ZBTB45: variants seen among roughly 807,000 people sequenced by gnomAD.
The protein encoded by ZBTB45 is zinc finger and BTB domain containing 45.
A neutral mutation model predicts 28.4 loss-of-function variants in ZBTB45; 22 were observed. The ratio of observed to expected loss-of-function variants is 0.77; its 90% CI spans 0.55 to 1.10. ZBTB45 has a LOEUF of 1.10. ZBTB45 is among the 50% of genes least tolerant of loss of function. The pLI, the probability that ZBTB45 is intolerant of heterozygous loss-of-function variation, is 0.00. For missense variants in ZBTB45, 656 were observed against 750.2 expected (o/e 0.87, Z 1.47); for synonymous variants, 361 against 332.3 (o/e 1.09, Z -0.94).
chr19:58,514,454 C>G, intron 2 of ZBTB45, 144 bp from the exon 3 acceptor site: 4 of 1,067,764 alleles, frequency 3.7e-6, no homozygotes, highest in Non-Finnish European at 5.3e-6. Flanking sequence ...CCTTGCCTAT[C>G]AGAGAACCCT....
rs986412190 is a variant in ZBTB45 at position 58,516,899 on chromosome 19, G to GT, written c.774dup (p.Pro259ThrfsTer6). On this transcript the variant is annotated frameshift_variant, in exon 2 of 3. Coordinates refer to ENST00000594051, the MANE Select transcript of ZBTB45 (RefSeq NM_001316979.2). LOFTEE classifies it high-confidence loss of function. The surrounding 1 kb of genome is among the most constrained non-coding windows in gnomAD (Gnocchi z 6.2). Reference sequence around the variant, plus strand: ...CCACTGTAGTCAGCGAGGCCAGTGGGTGCAGGGGGCTCCTCGCACGCGCTG... The same window carrying GT: ...CCACTGTAGTCAGCGAGGCCAGTGGGTTGCAGGGGGCTCCTCGCACGCGCTG... The GT allele has an allele frequency of 6.2e-7, 1 of 1,613,254 alleles. No individual in the cohort carries two copies. Among genetic ancestry groups the GT allele is most frequent in the Non-Finnish European group, 8.5e-7 (1 of 1,180,026 alleles).
intron 1 of ZBTB45, among the ~76,000 whole-genome samples, chr19:58,528,361 G>A (rs1024019252): frequency 1.3e-5 from 2 of 151,896 alleles, no homozygotes; most frequent in Non-Finnish European, 2.9e-5. Context: ...GGTTCAAACC[G>A]ATACTAGAGC....
At position 58,517,329 on chromosome 19, in the gene ZBTB45, G is replaced by T. The variant is rs767955813; in HGVS notation, c.345C>A (p.Ile115=). The T allele has an allele frequency of 1.2e-6, 2 of 1,610,554 alleles. No homozygotes were observed. Among genetic ancestry groups the T allele is most frequent in the Non-Finnish European group, 8.5e-7 (1 of 1,179,718 alleles). The change falls in exon 2 of 3, where the codon ATC becomes ATA. Residue 115 remains isoleucine (I), a synonymous_variant. Coordinates refer to ENST00000594051, the MANE Select transcript of ZBTB45 (RefSeq NM_001316979.2). The part of the protein sequence containing the change: ...AASVLRIQTV[I]DECTQIIARA... ...GGGCGATAATCTGCGTGCATTCGTC[G>T]ATAACTGTCTGTATGCGAAGCACTG...
At position 58,513,951 on chromosome 19, in the gene ZBTB45, G is replaced by A. The variant is rs1014199334; in HGVS notation, c.*103C>T. On this transcript the variant is annotated 3_prime_UTR_variant, in exon 3 of 3. Transcript: ENST00000594051. ...GGAGAGAGAGGACCTGCGCTCAGGA[G>A]GGAGCGTGGTCTAGTGGCGGGAACC... 4.6e-6 allele frequency: 6 copies of A among 1,298,364 alleles called. No individual in the cohort carries two copies. Among genetic ancestry groups the A allele is most frequent in the African/African-American group, 3.1e-5 (2 of 63,674 alleles). 80.4% of individuals were successfully genotyped at this position (1,298,364 alleles called of 1,614,324 possible).
intron 1 of ZBTB45, among the ~76,000 whole-genome samples, chr19:58,529,084 C>CAAAAAAAAAAAAAAAAAA (rs1231496438): frequency 2.8e-4 from 17 of 61,380 alleles, no homozygotes; most frequent in African/African-American, 6.2e-4. Flanking sequence ...AACTCCATCT[C>CAAAAAAAAAAAAAAAAAA]AAAAAAAAAA....
chr19:58,523,472 G>A (rs2053589009), upstream of ZBTB45, among the ~76,000 whole-genome samples: 1 of 151,840 alleles, frequency 6.6e-6, no homozygotes, highest in Non-Finnish European at 1.5e-5. Context: ...CCTGAGGTCA[G>A]GAGTTCGAGA....
chr19:58,520,431 G>A (rs1202150011), upstream of ZBTB45, among the ~76,000 whole-genome samples: 1 of 152,052 alleles, frequency 6.6e-6, no homozygotes, highest in East Asian at 1.9e-4. Flanking sequence ...TCCGAAAATG[G>A]CCCCCTCCGA....
intron 1 of ZBTB45, among the ~76,000 whole-genome samples, chr19:58,526,848 G>A (rs2053610646): frequency 6.6e-6 from 1 of 151,472 alleles, no homozygotes; most frequent in Non-Finnish European, 1.5e-5. Context: ...ATTTTTTTGA[G>A]ACAGGGTTTC....
chr19:58,524,467 G>GTA (rs2053596780), upstream of ZBTB45, among the ~76,000 whole-genome samples: 1 of 150,326 alleles, frequency 6.7e-6, no homozygotes, highest in Non-Finnish European at 1.5e-5. Context: ...GTGTGTGTGT[G>GTA]TGTGTGTATG....
In ZBTB45 at chr19:58,516,753, A is replaced by G. The variant is rs1232848365; in HGVS notation, c.921T>C (p.Pro307=). 1 of 1,612,988 alleles carries G rather than the reference A, an allele frequency of 6.2e-7. No individual in the cohort carries two copies. The change falls in exon 2 of 3, where the codon CCT becomes CCC. Residue 307 remains proline (P), a synonymous_variant. Transcript: ENST00000594051. This position sits in a 1 kb window ranked among gnomAD's most constrained non-coding sequence, Gnocchi z 6.2. The stretch of plus-strand genomic sequence containing the variant: ...CAGACAGTATGCAGTCGGGCTGGAC[A>G]GGGGTCTCAGTGGGACAGCCTTCGG... ...AVPEGCPTET[P]VQPDCILSGS...
chr19:58,517,569 C>T lies in ZBTB45; in HGVS notation c.105G>A (p.Val35=). 6.2e-7 allele frequency: 1 copy of T among 1,613,862 alleles called. No homozygotes were observed. Among genetic ancestry groups the T allele is most frequent in the Non-Finnish European group, 8.5e-7 (1 of 1,179,982 alleles). ...GCGAAGCTTCACGAATGCGCACAGT[C>T]ACGTCACAGAAGTGTCCCCCAAGCC... ...GQRLGGHFCD[V]TVRIREASLR... is the part of the protein sequence containing the mutation. The change falls in exon 2 of 3, where the codon GTG becomes GTA. Residue 35 remains valine, a synonymous_variant. Coordinates refer to ENST00000594051, the MANE Select transcript of ZBTB45 (RefSeq NM_001316979.2).
Position 58,514,279 on chromosome 19 carries a change from C to G in ZBTB45, c.1311G>C (p.Trp437Cys). The change falls in exon 3 of 3, where the codon TGG becomes TGC. Residue 437 changes from tryptophan (W) to cysteine (C), a missense_variant. Physicochemically the swap from Trp to Cys is radical, Grantham distance 215. Coordinates refer to ENST00000594051, the MANE Select transcript of ZBTB45 (RefSeq NM_001316979.2). The part of the protein sequence containing the change: ...GEKPHQCAVC[W>C]RSFSLRDYLL... ...GGTAGTCGCGTAGAGAGAAGGATCGCCAGCACACGGCGCACTGGTGCGGCT... is the reference window on the plus strand; with the variant it reads ...GGTAGTCGCGTAGAGAGAAGGATCGGCAGCACACGGCGCACTGGTGCGGCT... The G allele has an allele frequency of 6.2e-7, 1 of 1,608,772 alleles. No homozygotes were observed. Among genetic ancestry groups the G allele is most frequent in the South Asian group, 1.1e-5 (1 of 90,940 alleles).
intron 1 of ZBTB45, among the ~76,000 whole-genome samples, chr19:58,537,000 C>T (rs1424129894): frequency 6.6e-6 from 1 of 152,168 alleles, no homozygotes; most frequent in Non-Finnish European, 1.5e-5. Flanking sequence ...ATACTGACTG[C>T]TCTGCCGGGC....
At position 58,516,709 on chromosome 19, in the gene ZBTB45, A is replaced by C; in HGVS notation, c.965T>G (p.Val322Gly). Residue 322 changes from valine to glycine, a missense_variant, in exon 2 of 3, where the codon GTG (valine) becomes GGG (glycine). By Grantham distance (109) the Val-to-Gly change is moderately radical. Around this residue, in one of 3 missense-constraint regions of ZBTB45, gnomAD observed 448 missense variants for 444.3 expected, o/e 1.01. Transcript: ENST00000594051. The surrounding 1 kb of genome is among the most constrained non-coding windows in gnomAD (Gnocchi z 6.2). ...TGCAACGGGCGGCCCTGGGGTCTTCACACCAGGCGGGCGGGATCCAGACAG... is the reference window on the plus strand; with the variant it reads ...TGCAACGGGCGGCCCTGGGGTCTTCCCACCAGGCGGGCGGGATCCAGACAG... ...CILSGSRPPGVKTPGPPVALF... is the reference protein window; with the variant it reads ...CILSGSRPPGGKTPGPPVALF... The C allele has an allele frequency of 6.3e-7, 1 of 1,595,610 alleles. No homozygotes were observed.
intron 2 of ZBTB45, 29 bp from the exon 3 acceptor site, chr19:58,514,339 C>G: frequency 6.3e-7 from 1 of 1,577,810 alleles, no homozygotes; most frequent in Non-Finnish European, 8.6e-7. Flanking sequence ...GCCGCGAACG[C>G]AAGTCAGACT....
chr19:58,517,322 A>C lies in ZBTB45; in HGVS notation c.352T>G (p.Cys118Gly). ...VLRIQTVIDE[C>G]TQIIARARAP... ...CGAGCGCGGGCGATAATCTGCGTGC[A>C]TTCGTCGATAACTGTCTGTATGCGA... Residue 118 changes from cysteine (C) to glycine (G), a missense_variant, in exon 2 of 3, where the codon TGC (cysteine) becomes GGC (glycine). Around this residue, in one of 3 missense-constraint regions of ZBTB45, gnomAD observed 448 missense variants for 444.3 expected, o/e 1.01. Transcript: ENST00000594051. 1 of 1,609,514 alleles carries C rather than the reference A, an allele frequency of 6.2e-7. No individual in the cohort carries two copies. Among genetic ancestry groups the C allele is most frequent in the Non-Finnish European group, 8.5e-7 (1 of 1,179,448 alleles).
At chr19:58,529,040 C>T (rs1480116556) in intron 1 of ZBTB45, among the ~76,000 whole-genome samples, 40 of 147,822 alleles carry the variant, frequency 2.7e-4, no homozygotes, top group Middle Eastern at 6.8e-3. Flanking sequence ...GCTGAGATCA[C>T]GCCATTGCAC....
chr19:58,525,223 CT>C (rs1401639605), intron 1 of ZBTB45, among the ~76,000 whole-genome samples: 1 of 152,202 alleles, frequency 6.6e-6, no homozygotes, highest in Non-Finnish European at 1.5e-5. Flanking sequence ...TACTCAAGTC[CT>C]TGTGTCCACA....
In ZBTB45 at chr19:58,517,075, G is replaced by A. The variant is rs748355385; in HGVS notation, c.599C>T (p.Ser200Phe). ...AEGPDADPSL[S>F]AAPDDRGDED... Reference sequence around the variant, plus strand: ...GTCACCTCGGTCATCAGGGGCCGCGGACAGTGAGGGGTCAGCATCAGGCCC... The same window carrying A: ...GTCACCTCGGTCATCAGGGGCCGCGAACAGTGAGGGGTCAGCATCAGGCCC... Residue 200 changes from serine (S) to phenylalanine (F), a missense_variant, in exon 2 of 3, where the codon TCC becomes TTC. This residue lies in a region of ZBTB45 where 448 missense variants were observed against 444.3 expected (regional missense o/e 1.01). Coordinates refer to ENST00000594051, the MANE Select transcript of ZBTB45 (RefSeq NM_001316979.2). 1.9e-6 allele frequency: 3 copies of A among 1,613,086 alleles called. No individual in the cohort carries two copies. In the South Asian group the frequency reaches 3.3e-5, roughly 18 times the overall value.
Sources: gnomAD v4.1 joint callset for allele counts (sites outside exome capture counted in the v4.1 genomes callset) on GRCh38, gnomAD v4.1.1 for gene constraint, gnomAD v4.1.1 regional missense constraint, Gnocchi (gnomAD v3.1) non-coding constraint, MANE v1.5 for transcripts, NCBI Gene and HGNC (gene_info 2026-07-23, HGNC 2026-07-21) for gene names.